HS6ST3: variants seen among roughly 807,000 people sequenced by gnomAD.
HS6ST3 encodes the protein heparan sulfate 6-O-sulfotransferase 3.
A neutral mutation model predicts 36.7 loss-of-function variants in HS6ST3; 12 were observed. That is an observed-to-expected ratio of 0.33 (90% CI 0.21 to 0.53). The LOEUF is 0.53. HS6ST3 is among the 20% of genes least tolerant of loss of function. The probability of loss-of-function intolerance (pLI) is 0.95; values close to 1 mark genes in which losing one functional copy is unlikely to be tolerated. For missense variants in HS6ST3, 584 were observed against 640.9 expected (o/e 0.91, Z 0.96); for synonymous variants, 240 against 257.5 (o/e 0.93, Z 0.65).
chr13:96,547,104 C>G (rs960318024), intron 1 of HS6ST3, among the ~76,000 whole-genome samples: 1 of 152,076 alleles, frequency 6.6e-6, no homozygotes, highest in African/African-American at 2.4e-5. Context: ...CTGTCTTATG[C>G]GAGTAAGTTG....
intron 1 of HS6ST3, among the ~76,000 whole-genome samples, chr13:96,468,126 G>A (rs2138888251): frequency 6.6e-6 from 1 of 152,206 alleles, no homozygotes; most frequent in African/African-American, 2.4e-5. Context: ...ATACCTTATT[G>A]TTGACTTTTC....
intron 1 of HS6ST3, among the ~76,000 whole-genome samples, chr13:96,225,289 C>G (rs1021547237): frequency 6.6e-6 from 1 of 152,196 alleles, no homozygotes; most frequent in African/African-American, 2.4e-5. Flanking sequence ...TATAAGTCAC[C>G]TACACTAGGA....
At chr13:96,725,987 G>A (rs115472202) in intron 1 of HS6ST3, among the ~76,000 whole-genome samples, 3,202 of 152,036 alleles carry the variant, frequency 0.021, 45 homozygotes, top group African/African-American at 0.041. Context: ...ACAGGCGCCC[G>A]CCACCGCTGC....
At chr13:96,536,641 G>A (rs1269052441) in intron 1 of HS6ST3, among the ~76,000 whole-genome samples, 1 of 152,186 alleles carries the variant, frequency 6.6e-6, no homozygotes, top group Non-Finnish European at 1.5e-5. Flanking sequence ...ACTGGCTTTA[G>A]TTGGCCCAGA....
At chr13:96,299,766 G>A (rs2054872536) in intron 1 of HS6ST3, among the ~76,000 whole-genome samples, 1 of 152,124 alleles carries the variant, frequency 6.6e-6, no homozygotes, top group Non-Finnish European at 1.5e-5. Flanking sequence ...GCGTTTTGAA[G>A]GAAGGGGAGA....
At chr13:96,760,078 C>A (rs2138499134) in intron 1 of HS6ST3, among the ~76,000 whole-genome samples, 1 of 151,998 alleles carries the variant, frequency 6.6e-6, no homozygotes, top group Non-Finnish European at 1.5e-5. Flanking sequence ...TATCTGCAAT[C>A]CAATTGTAAT....
intron 1 of HS6ST3, among the ~76,000 whole-genome samples, chr13:96,290,694 A>G (rs1187326978): frequency 6.6e-6 from 1 of 152,066 alleles, no homozygotes; most frequent in Non-Finnish European, 1.5e-5. Flanking sequence ...GAGTAATCTC[A>G]TTAAAATGGA....
At position 96,698,305 on chromosome 13, in the gene HS6ST3, T is replaced by C. The variant is rs999520572; in HGVS notation, c.708-134185T>C. Among the ~76,000 whole-genome samples, 7 of 152,182 alleles carry C rather than the reference T, an allele frequency of 4.6e-5. No homozygotes were observed. The East Asian group carries it at 1.4e-3, about 29-fold the overall frequency. On this transcript the variant is annotated intron_variant, in intron 1 of 1. Coordinates refer to ENST00000376705, the MANE Select transcript of HS6ST3 (RefSeq NM_153456.4). ...GTGAGAGCATGTGGTGTTTGTTTTT[T>C]TGTCCTTGTGATAGTTTGCTGAGAA...
At chr13:96,732,566 T>G (rs1467890985) in intron 1 of HS6ST3, among the ~76,000 whole-genome samples, 1 of 152,200 alleles carries the variant, frequency 6.6e-6, no homozygotes, top group Admixed American at 6.5e-5. Context: ...GCAGTATATT[T>G]TGAAGTATGG....
At chr13:96,247,349 C>T (rs1474623111) in intron 1 of HS6ST3, among the ~76,000 whole-genome samples, 8 of 152,058 alleles carry the variant, frequency 5.3e-5, no homozygotes, top group Admixed American at 1.3e-4. Context: ...ATAATCCCCA[C>T]GTGTCAAGGG....
At chr13:96,566,750 C>T (rs1039720683) in intron 1 of HS6ST3, among the ~76,000 whole-genome samples, 12 of 152,092 alleles carry the variant, frequency 7.9e-5, no homozygotes, top group Admixed American at 6.6e-5. Context: ...CCAAATTTAT[C>T]ACAAACCATA....
rs551677604 is a variant in HS6ST3, at chr13:96,196,159, A to G, written c.707+104590A>G. ...AATGTCACACTGGGTCCGCACATCA[A>G]CTGCTTTCTCTCTGCCACCGGCTGA... On this transcript the variant is annotated intron_variant, in intron 1 of 1. Coordinates refer to ENST00000376705, the MANE Select transcript of HS6ST3 (RefSeq NM_153456.4). Among the ~76,000 whole-genome samples the G allele has an allele frequency of 8.5e-5, 13 of 152,204 alleles. No individual in the cohort carries two copies. The South Asian group carries it at 2.5e-3, about 29-fold the overall frequency.
chr13:96,128,836 A>AT (rs369901024), intron 1 of HS6ST3, among the ~76,000 whole-genome samples: 2,725 of 146,984 alleles, frequency 0.019, 74 homozygotes, highest in African/African-American at 0.063. Context: ...TTATCAAAGT[A>AT]TTTTTTTTTC....
intron 1 of HS6ST3, among the ~76,000 whole-genome samples, chr13:96,300,472 CTG>C (rs1437258473): frequency 2.0e-5 from 3 of 152,118 alleles, no homozygotes; most frequent in Non-Finnish European, 4.4e-5. Flanking sequence ...TCCTCCAACA[CTG>C]GGGATTACAA....
chr13:96,659,454 T>C (rs939598300), intron 1 of HS6ST3, among the ~76,000 whole-genome samples: 1 of 152,108 alleles, frequency 6.6e-6, no homozygotes, highest in Non-Finnish European at 1.5e-5. Context: ...ATATCTTATC[T>C]CTGGATTATT....
At chr13:96,279,134 G>A (rs1365212112) in intron 1 of HS6ST3, among the ~76,000 whole-genome samples, 1 of 152,074 alleles carries the variant, frequency 6.6e-6, no homozygotes, top group Non-Finnish European at 1.5e-5. Flanking sequence ...CATTTTAATT[G>A]TATATAAATA....
intron 1 of HS6ST3, among the ~76,000 whole-genome samples, chr13:96,511,190 C>T (rs2056048494): frequency 6.6e-6 from 1 of 152,164 alleles, no homozygotes; most frequent in Non-Finnish European, 1.5e-5. Flanking sequence ...GTATTAAACA[C>T]TCTGCCATCA....
At chr13:96,473,169 C>T (rs1363912503) in intron 1 of HS6ST3, among the ~76,000 whole-genome samples, 1 of 152,156 alleles carries the variant, frequency 6.6e-6, no homozygotes, top group African/African-American at 2.4e-5. Context: ...AGCACTCTTG[C>T]CCTGCCATTG....
At chr13:96,750,823 A>C (rs965206007) in intron 1 of HS6ST3, among the ~76,000 whole-genome samples, 4 of 152,204 alleles carry the variant, frequency 2.6e-5, no homozygotes, top group Admixed American at 2.6e-4. Context: ...GTAAGTGAAG[A>C]TTTCAAAACA....
Sources: allele counts gnomAD v4.1 joint callset (sites outside exome capture counted in the v4.1 genomes callset), GRCh38; gene constraint gnomAD v4.1.1; transcripts MANE v1.5; gene names NCBI Gene and HGNC (gene_info 2026-07-23, HGNC 2026-07-21).